The following ADK variants were observed in gnomAD, a reference collection of about 807,000 sequenced individuals.
The protein encoded by ADK is adenosine kinase, also known as N6,N6-dimethyladenosine kinase.
A neutral mutation model predicts 44.7 loss-of-function variants in ADK; 24 were observed. That is an observed-to-expected ratio of 0.54 (90% confidence interval 0.39 to 0.76). ADK has a LOEUF of 0.76. Among genes scored for constraint, ADK ranks in the 30% least tolerant of loss-of-function variants. The pLI is 0.00. For synonymous variants in ADK, 128 were observed against 142.6 expected (o/e 0.90, Z 0.73); for missense variants, 321 against 425.1 (o/e 0.76, Z 2.15).
chr10:74,698,925 G>A (rs1391858166), intron 10 of ADK, among the ~76,000 whole-genome samples: 1 of 151,390 alleles, frequency 6.6e-6, no homozygotes, highest in Non-Finnish European at 1.5e-5. Context: ...ACAGCTCACT[G>A]CAGCCTCAAC....
chr10:74,646,345 GCCA>G (rs757608124), intron 9 of ADK, among the ~76,000 whole-genome samples: 40 of 152,256 alleles, frequency 2.6e-4, no homozygotes, highest in Non-Finnish European at 5.1e-4. Context: ...ATGAGGGGAA[GCCA>G]CTAGTTAGAT....
At chr10:74,707,550 G>T (rs1175599693) in intron 10 of ADK, among the ~76,000 whole-genome samples, 2 of 151,908 alleles carry the variant, frequency 1.3e-5, no homozygotes, top group Non-Finnish European at 2.9e-5. Context: ...ATCACCTGAG[G>T]TCAGGAGTTT....
At chr10:74,348,691 G>A (rs1841858588) in intron 4 of ADK, among the ~76,000 whole-genome samples, 1 of 151,712 alleles carries the variant, frequency 6.6e-6, no homozygotes, top group Admixed American at 6.6e-5. Flanking sequence ...CTGCTAACTA[G>A]AATAACCAGT....
At chr10:74,162,521 TTGTGTGTG>T (rs10550667) in intron 1 of ADK, among the ~76,000 whole-genome samples, 1,658 of 141,962 alleles carry the variant, frequency 0.012, 29 homozygotes, top group African/African-American at 0.037. Context: ...TGCATTTCTT[TTGTGTGTG>T]TGTGTGTGTG....
chr10:74,301,482 C>G (rs1471666805), intron 3 of ADK, among the ~76,000 whole-genome samples: 1 of 148,228 alleles, frequency 6.7e-6, no homozygotes, highest in African/African-American at 2.5e-5. Flanking sequence ...CCACTGCACT[C>G]CAGCCTGGGT....
At chr10:74,426,488 C>T (rs1844801799) in intron 6 of ADK, among the ~76,000 whole-genome samples, 1 of 151,940 alleles carries the variant, frequency 6.6e-6, no homozygotes, top group Admixed American at 6.6e-5. Context: ...AAACAAAAAG[C>T]AGAAACAAAT....
intron 3 of ADK, among the ~76,000 whole-genome samples, chr10:74,234,378 C>T (rs891341606): frequency 7.9e-5 from 12 of 152,220 alleles, no homozygotes; most frequent in East Asian, 3.9e-4. Context: ...GAAGAGACTT[C>T]GTAACTTGGT....
intron 3 of ADK, among the ~76,000 whole-genome samples, chr10:74,261,812 A>G (rs1278519480): frequency 2.1e-5 from 3 of 145,942 alleles, no homozygotes; most frequent in Non-Finnish European, 4.5e-5. Flanking sequence ...GTATTCTGGC[A>G]TTTCTCAATG....
intron 6 of ADK, among the ~76,000 whole-genome samples, chr10:74,500,038 G>T (rs548942672): frequency 5.1e-4 from 77 of 152,264 alleles, no homozygotes; most frequent in African/African-American, 1.8e-3. Context: ...CAAAATGAGA[G>T]GATTAATAGA....
chr10:74,398,535 A>G lies in ADK; in HGVS notation c.511A>G (p.Lys171Glu), dbSNP rs770641053. 12 of 1,611,588 alleles carry G rather than the reference A, an allele frequency of 7.4e-6. No individual in the cohort carries two copies. The highest frequency in any genetic ancestry group is 1.0e-5 in the Non-Finnish European group (12 of 1,178,530). ...AAAGGAAAAACATCTTGATCTGGAGAAAAACTGGATGTTGGTAGAAAAAGC... is the reference window on the plus strand; with the variant it reads ...AAAGGAAAAACATCTTGATCTGGAGGAAAACTGGATGTTGGTAGAAAAAGC... ...YKKEKHLDLE[K>E]NWMLVEKARV... The change falls in exon 6 of 11, where the codon AAA becomes GAA. Residue 171 changes from lysine to glutamate, a missense_variant. Transcript: ENST00000539909.
chr10:74,403,164 A>G (rs1843778472), intron 6 of ADK, among the ~76,000 whole-genome samples: 1 of 152,166 alleles, frequency 6.6e-6, no homozygotes, highest in Non-Finnish European at 1.5e-5. Flanking sequence ...ACTGGGAGGT[A>G]TCTCCCAGTT....
intron 7 of ADK, among the ~76,000 whole-genome samples, chr10:74,578,554 G>A (rs141676251): frequency 6.6e-6 from 1 of 152,170 alleles, no homozygotes; most frequent in East Asian, 1.9e-4. Flanking sequence ...ATAGTCATTT[G>A]CTGTATTCCA....
chr10:74,517,622 G>A (rs894809577), intron 6 of ADK, among the ~76,000 whole-genome samples: 1 of 151,412 alleles, frequency 6.6e-6, no homozygotes, highest in East Asian at 1.9e-4. Context: ...CCAGGAGGTC[G>A]AGGGTGCACT....
chr10:74,389,436 G>C (rs1056399224), intron 4 of ADK, among the ~76,000 whole-genome samples: 1 of 152,136 alleles, frequency 6.6e-6, no homozygotes, highest in African/African-American at 2.4e-5. Flanking sequence ...GATGCTTACA[G>C]ATGTACTAAA....
At chr10:74,570,463 G>A (rs1850910202) in intron 7 of ADK, among the ~76,000 whole-genome samples, 1 of 151,918 alleles carries the variant, frequency 6.6e-6, no homozygotes, top group Non-Finnish European at 1.5e-5. Flanking sequence ...GCAGTGGTTT[G>A]TAGTTCTCCT....
At chr10:74,250,543 G>A (rs961958225) in intron 3 of ADK, among the ~76,000 whole-genome samples, 12 of 152,206 alleles carry the variant, frequency 7.9e-5, no homozygotes, top group African/African-American at 2.7e-4. Context: ...TTTACAGTTA[G>A]TTGGGGACCT....
chr10:74,698,418 G>A (rs1856283052), intron 10 of ADK, among the ~76,000 whole-genome samples: 1 of 152,194 alleles, frequency 6.6e-6, no homozygotes, highest in Admixed American at 6.5e-5. Context: ...AGGACCACAA[G>A]CCAGTGGCAC....
intron 3 of ADK, among the ~76,000 whole-genome samples, chr10:74,257,438 CATA>C (rs901890573): frequency 1.3e-5 from 2 of 152,058 alleles, no homozygotes; most frequent in Admixed American, 6.5e-5. Flanking sequence ...TTCAAAGTTT[CATA>C]ATAATCTATA....
At chr10:74,427,388 C>T (rs906798621) in intron 6 of ADK, among the ~76,000 whole-genome samples, 16 of 151,992 alleles carry the variant, frequency 1.1e-4, no homozygotes, top group Non-Finnish European at 2.1e-4. Context: ...TTAGTAGAGA[C>T]GGGGTTTCAC....
Sources: gnomAD v4.1 joint callset for allele counts (sites outside exome capture counted in the v4.1 genomes callset) on GRCh38, gnomAD v4.1.1 for gene constraint, MANE v1.5 for transcripts, NCBI Gene and HGNC (gene_info 2026-07-23, HGNC 2026-07-21) for gene names.